NBEA: variants seen among roughly 807,000 people sequenced by gnomAD.
The protein encoded by NBEA is lysosomal-trafficking regulator 2.
In NBEA, 44 loss-of-function variants were observed where a neutral mutation model predicts 343.4. That is an observed-to-expected ratio of 0.13 (90% CI 0.10 to 0.16). NBEA has a LOEUF of 0.16. NBEA is among the 10% of genes least tolerant of loss of function. The pLI is 1.00. For synonymous variants in NBEA, 1,175 were observed against 1,238.7 expected (o/e 0.95, Z 1.08); for missense variants, 2,555 against 3,631.3 (o/e 0.70, Z 7.62).
At chr13:35,427,916 C>T (rs945143371) in intron 38 of NBEA, among the ~76,000 whole-genome samples, 6 of 152,188 alleles carry the variant, frequency 3.9e-5, no homozygotes, top group East Asian at 1.9e-4. Context: ...ACTCTATGGG[C>T]GTAGGACCCT....
intron 39 of NBEA, among the ~76,000 whole-genome samples, chr13:35,439,087 T>C (rs530142196): frequency 1.3e-5 from 2 of 152,314 alleles, no homozygotes; most frequent in Non-Finnish European, 2.9e-5. Flanking sequence ...GCACATAGTT[T>C]ACTGTAGTGA....
intron 38 of NBEA, among the ~76,000 whole-genome samples, chr13:35,405,614 CAT>C (rs2043231955): frequency 6.6e-6 from 1 of 152,034 alleles, no homozygotes. Context: ...ATTTAAAAAA[CAT>C]TGATTTTGCT....
chr13:34,979,139 G>A (rs1425263651), intron 1 of NBEA, among the ~76,000 whole-genome samples: 3 of 152,110 alleles, frequency 2.0e-5, no homozygotes, highest in African/African-American at 7.2e-5. Flanking sequence ...ACATTCTGAT[G>A]GCTGTGTATT....
chr13:35,546,521 G>A (rs970640873), intron 41 of NBEA, among the ~76,000 whole-genome samples: 1 of 150,674 alleles, frequency 6.6e-6, no homozygotes, highest in Non-Finnish European at 1.5e-5. Context: ...GTCAGAAAAG[G>A]CAGCTGAGAG....
intron 1 of NBEA, among the ~76,000 whole-genome samples, chr13:34,945,533 G>T: frequency 6.6e-6 from 1 of 152,006 alleles, no homozygotes; most frequent in Non-Finnish European, 1.5e-5. Flanking sequence ...ACTCGTTAGA[G>T]TTTGGAAACC....
intron 41 of NBEA, among the ~76,000 whole-genome samples, chr13:35,511,160 G>A (rs2077258713): frequency 2.0e-5 from 3 of 152,090 alleles, no homozygotes; most frequent in Non-Finnish European, 4.4e-5. Context: ...TAAAAGCTTG[G>A]GCTATTCCTG....
intron 1 of NBEA, among the ~76,000 whole-genome samples, chr13:34,967,013 C>T (rs75000033): frequency 2.8e-5 from 4 of 144,598 alleles, no homozygotes; most frequent in Admixed American, 1.4e-4. Context: ...AGCAGAATGT[C>T]GATTCATATT....
intron 35 of NBEA, among the ~76,000 whole-genome samples, chr13:35,296,977 A>AC (rs2036174608): frequency 1.3e-5 from 2 of 152,078 alleles, no homozygotes; most frequent in Non-Finnish European, 2.9e-5. Context: ...CAAAAATAGT[A>AC]CACAGAGTCC....
At chr13:35,275,546 C>T (rs1324921029) in intron 34 of NBEA, among the ~76,000 whole-genome samples, 1 of 152,148 alleles carries the variant, frequency 6.6e-6, no homozygotes, top group African/African-American at 2.4e-5. Flanking sequence ...GCAAAGGAAA[C>T]TATCATCAGA....
At chr13:35,438,997 T>C (rs1178351570) in intron 39 of NBEA, among the ~76,000 whole-genome samples, 1 of 152,228 alleles carries the variant, frequency 6.6e-6, no homozygotes, top group East Asian at 1.9e-4. Context: ...TAAAAGCAGT[T>C]ATTGAATAAC....
chr13:35,362,717 A>G (rs1170909162), intron 38 of NBEA, among the ~76,000 whole-genome samples: 1 of 152,034 alleles, frequency 6.6e-6, no homozygotes, highest in Non-Finnish European at 1.5e-5. Context: ...TATGAGAGCT[A>G]TGTAAATGTA....
At chr13:35,392,143 C>A (rs553920088) in intron 38 of NBEA, among the ~76,000 whole-genome samples, 64 of 152,042 alleles carry the variant, frequency 4.2e-4, no homozygotes, top group African/African-American at 1.5e-3. Context: ...ATTTTGTATG[C>A]AATATTTTTA....
At chr13:35,085,929 T>C (rs933029892) in intron 10 of NBEA, among the ~76,000 whole-genome samples, 5 of 152,134 alleles carry the variant, frequency 3.3e-5, no homozygotes, top group African/African-American at 4.8e-5. Context: ...AGCATTCTTA[T>C]ACACCAATAA....
chr13:35,532,533 T>A (rs2078314718), intron 41 of NBEA, among the ~76,000 whole-genome samples: 1 of 152,158 alleles, frequency 6.6e-6, no homozygotes, highest in Non-Finnish European at 1.5e-5. Context: ...ATACTTTGAT[T>A]GTGCAGTCAA....
chr13:35,439,236 A>G (rs1222898382), intron 39 of NBEA, among the ~76,000 whole-genome samples: 2 of 152,216 alleles, frequency 1.3e-5, no homozygotes, highest in East Asian at 3.9e-4. Flanking sequence ...ACGAAATATC[A>G]ATAGTACCGA....
chr13:35,466,798 A>T (rs1594732925), intron 40 of NBEA, among the ~76,000 whole-genome samples: 2 of 152,152 alleles, frequency 1.3e-5, no homozygotes, highest in Non-Finnish European at 2.9e-5. Context: ...ATTTCAAAAT[A>T]CCATTGCTCT....
intron 10 of NBEA, among the ~76,000 whole-genome samples, chr13:35,084,583 G>A (rs1287958324): frequency 6.6e-6 from 1 of 152,200 alleles, no homozygotes; most frequent in Non-Finnish European, 1.5e-5. Context: ...ATTCAAAGCA[G>A]TGTGTAGAGG....
chr13:35,131,786 A>C (rs1474101205), intron 17 of NBEA, among the ~76,000 whole-genome samples: 3 of 152,212 alleles, frequency 2.0e-5, no homozygotes, highest in Non-Finnish European at 4.4e-5. Context: ...AAAATATAAA[A>C]CAAGTCTCAG....
intron 38 of NBEA, among the ~76,000 whole-genome samples, chr13:35,407,566 C>T (rs2043339331): frequency 6.7e-6 from 1 of 149,928 alleles, no homozygotes; most frequent in African/African-American, 2.5e-5. Flanking sequence ...ATTTTAAGGA[C>T]AGAATGAAGA....
Sources: allele counts gnomAD v4.1 joint callset (sites outside exome capture counted in the v4.1 genomes callset), GRCh38; gene constraint gnomAD v4.1.1; transcripts MANE v1.5; gene names NCBI Gene and HGNC (gene_info 2026-07-23, HGNC 2026-07-21).